Variants in DNAH8 observed in about 807,000 individuals in gnomAD.
DNAH8 encodes dynein axonemal heavy chain 8, also known as axonemal beta dynein heavy chain 8.
Under a neutral mutation model 562.1 loss-of-function variants are expected in DNAH8, and 382 were observed. The ratio of observed to expected loss-of-function variants is 0.68; its 90% CI spans 0.63 to 0.74. The LOEUF is 0.74. Among genes scored for constraint, DNAH8 ranks in the 30% least tolerant of loss-of-function variants. DNAH8 has a pLI of 0.00. For missense variants in DNAH8, 5,203 were observed against 5,620.4 expected, an observed-to-expected ratio of 0.93 and a Z score of 2.37; for synonymous variants, 1,881 against 1,919.4, an observed-to-expected ratio of 0.98 and a Z score of 0.52.
chr6:38,908,235 T>A, intron 64 of DNAH8, 115 bp downstream of exon 64: 1 of 585,750 alleles, frequency 1.7e-6, no homozygotes, highest in Non-Finnish European at 2.7e-6. Flanking sequence ...TACATTGAAT[T>A]AAAATTAACA....
At chr6:38,827,786 C>A in intron 29 of DNAH8, among the ~76,000 whole-genome samples, 1 of 92,914 alleles carries the variant, frequency 1.1e-5, no homozygotes, top group Non-Finnish European at 2.0e-5. Context: ...AAGACAATTA[C>A]TGGTCATCCC....
chr6:39,030,170 C>T lies in DNAH8; in HGVS notation c.13902C>T (p.Leu4634=). Residue 4634 remains leucine (L), a synonymous_variant, in exon 93 of 93, where the codon CTC becomes CTT. Transcript: ENST00000327475. The part of the protein sequence containing the change: ...GAAWDRRNGK[L]MESTPKVLFT... ...CCTGGGACAGACGGAATGGGAAGCT[C>T]ATGGAATCCACCCCCAAGGTACTCT... The T allele has an allele frequency of 6.2e-7, 1 of 1,614,102 alleles. No homozygotes were observed. The highest frequency in any genetic ancestry group is 8.5e-7 in the Non-Finnish European group (1 of 1,179,992).
At chr6:38,749,289 A>G (rs1765222005) in intron 8 of DNAH8, among the ~76,000 whole-genome samples, 1 of 152,118 alleles carries the variant, frequency 6.6e-6, no homozygotes, top group African/African-American at 2.4e-5. Context: ...ACCGAACACC[A>G]CATGTACTCA....
In DNAH8 at chr6:38,872,737, G is replaced by A; in HGVS notation, c.7192G>A (p.Gly2398Arg). 1 of 1,614,090 alleles carries A rather than the reference G, an allele frequency of 6.2e-7. No individual in the cohort carries two copies. ...LDTATNDWTD[G>R]IFSTLWRKTL... ...CACTGCTACCAATGACTGGACAGAT[G>A]GGATTTTTTCTACTCTGTGGAGAAA... is the stretch of plus-strand genomic sequence containing the variant. Residue 2398 changes from glycine to arginine, a missense_variant, in exon 50 of 93, where the codon GGG (glycine) becomes AGG (arginine). Physicochemically the swap from Gly to Arg is moderately radical, Grantham distance 125. Coordinates refer to ENST00000327475, the MANE Select transcript of DNAH8 (RefSeq NM_001206927.2).
At chr6:38,847,707 C>T (rs562889557) in intron 36 of DNAH8, among the ~76,000 whole-genome samples, 1 of 152,306 alleles carries the variant, frequency 6.6e-6, no homozygotes, top group South Asian at 2.1e-4. Context: ...AAGTGCCACT[C>T]ACCAGCAAAT....
At chr6:38,948,981 A>G (rs1234576489) in intron 80 of DNAH8, among the ~76,000 whole-genome samples, 3 of 152,128 alleles carry the variant, frequency 2.0e-5, no homozygotes, top group Non-Finnish European at 4.4e-5. Flanking sequence ...GTGGTTCTCA[A>G]CTGAGGGTAA....
At chr6:38,962,890 A>G (rs1762703968) in intron 82 of DNAH8, among the ~76,000 whole-genome samples, 1 of 152,166 alleles carries the variant, frequency 6.6e-6, no homozygotes, top group South Asian at 2.1e-4. Flanking sequence ...GGAAAACCAA[A>G]CATATGTTCT....
In DNAH8 at chr6:38,737,901, G is replaced by A. The variant is rs1323128949; in HGVS notation, c.1045G>A (p.Ala349Thr). The A allele has an allele frequency of 1.9e-6, 3 of 1,606,466 alleles. No homozygotes were observed. The highest frequency in any genetic ancestry group is 1.7e-5 in the Admixed American group (1 of 58,380). The part of the protein sequence containing the change: ...KLHTFEEVTA[A>T]ASNSETVHQL... ...GCACACCTTTGAAGAAGTAACTGCTGCAGCCAGCAACTCAGAAACTGTTCA... is the reference window on the plus strand; with the variant it reads ...GCACACCTTTGAAGAAGTAACTGCTACAGCCAGCAACTCAGAAACTGTTCA... The change falls in exon 7 of 93, where the codon GCA becomes ACA. Residue 349 changes from alanine to threonine, a missense_variant. This residue lies in a region of DNAH8 where 556 missense variants were observed against 496.9 expected (regional missense o/e 1.12). Transcript: ENST00000327475.
chr6:38,991,985 C>T (rs1764823361), intron 88 of DNAH8, among the ~76,000 whole-genome samples: 2 of 150,258 alleles, frequency 1.3e-5, no homozygotes. Context: ...TTTTTTTTGC[C>T]ACGGAATTTC....
At chr6:38,763,012 CA>C in intron 11 of DNAH8, 1 of 400,028 alleles carries the variant, frequency 2.5e-6, no homozygotes. Flanking sequence ...ATGTAAGATA[CA>C]AAGCTACACA....
chr6:38,815,669 AAATTAGTC>A lies in DNAH8; in HGVS notation c.3523+16_3523+23del. 1.2e-6 allele frequency: 2 copies of A among 1,601,902 alleles called. No homozygotes were observed. The highest frequency in any genetic ancestry group is 1.7e-6 in the Non-Finnish European group (2 of 1,171,840). ...GAAGAAGGAAGAAAGTAAGAATGTA[AAATTAGTC>A]AATGATCTTACTGATCCTTTTTGGA... On this transcript the variant is annotated intron_variant, in intron 26 of 92. Coordinates refer to ENST00000327475, the MANE Select transcript of DNAH8 (RefSeq NM_001206927.2).
intron 64 of DNAH8, 52 bp downstream of exon 64, chr6:38,908,172 G>C (rs1418032523): frequency 1.8e-6 from 2 of 1,129,144 alleles, no homozygotes; most frequent in Non-Finnish European, 2.4e-6. Context: ...CTTATTTAAA[G>C]GTGCTTAGTT....
At chr6:39,016,670 G>C (rs1182783645) in intron 91 of DNAH8, among the ~76,000 whole-genome samples, 1 of 152,128 alleles carries the variant, frequency 6.6e-6, no homozygotes, top group Non-Finnish European at 1.5e-5. Flanking sequence ...GGACCATAAG[G>C]AAGACTATAG....
rs1054904526 is a variant in DNAH8 at position 38,845,566 on chromosome 6, C to T, written c.4846-8C>T. 1.2e-6 allele frequency: 2 copies of T among 1,610,404 alleles called. No homozygotes were observed. The highest frequency in any genetic ancestry group is 1.1e-5 in the South Asian group (1 of 90,960). On this transcript the variant is annotated splice_polypyrimidine_tract_variant and splice_region_variant and intron_variant, in intron 35 of 92. Transcript: ENST00000327475. ...CATCATGACATATACTTTGCTTTTC[C>T]TTCAAAGGATATTTGCATATCTGCC...
chr6:38,721,642 T>G (rs78907129), intron 1 of DNAH8, among the ~76,000 whole-genome samples: 2,237 of 152,264 alleles, frequency 0.015, 46 homozygotes, highest in South Asian at 0.11. Flanking sequence ...GTGGGTAAAC[T>G]GGTTAACTAG....
At chr6:38,950,357 A>G (rs1477524840) in intron 81 of DNAH8, among the ~76,000 whole-genome samples, 1 of 152,124 alleles carries the variant, frequency 6.6e-6, no homozygotes, top group African/African-American at 2.4e-5. Flanking sequence ...CTTCTTAGAA[A>G]AAGCTGTTTC....
At chr6:38,895,473 G>A (rs1400998610) in intron 59 of DNAH8, among the ~76,000 whole-genome samples, 1 of 152,116 alleles carries the variant, frequency 6.6e-6, no homozygotes, top group African/African-American at 2.4e-5. Context: ...CAAATTTTGT[G>A]AGCTCTTTGT....
intron 82 of DNAH8, among the ~76,000 whole-genome samples, chr6:38,952,131 G>C (rs1240737025): frequency 1.3e-5 from 2 of 152,146 alleles, no homozygotes; most frequent in African/African-American, 4.8e-5. Context: ...CTGGGGTATA[G>C]GGGAAAACAT....
intron 38 of DNAH8, among the ~76,000 whole-genome samples, 199 bp downstream of exon 38, chr6:38,850,613 G>A (rs778298498): frequency 7.9e-5 from 12 of 152,170 alleles, no homozygotes; most frequent in Non-Finnish European, 1.2e-4. Context: ...TATTAGTTTC[G>A]TCAGGCTGCT....
Sources: gnomAD v4.1 joint callset for allele counts (sites outside exome capture counted in the v4.1 genomes callset) on GRCh38, gnomAD v4.1.1 for gene constraint, gnomAD v4.1.1 regional missense constraint, MANE v1.5 for transcripts, NCBI Gene and HGNC (gene_info 2026-07-23, HGNC 2026-07-21) for gene names.